Variants in CDH18 observed in about 807,000 individuals in gnomAD.
The protein encoded by CDH18 is cadherin 18, also known as cadherin-18.
In CDH18, 31 loss-of-function variants were observed where a neutral mutation model predicts 67.9. That is an observed-to-expected ratio of 0.46 (90% CI 0.34 to 0.62). The LOEUF (loss-of-function observed/expected upper bound fraction) is 0.62, where lower values mean the gene tolerates loss of function less well. Ranked by LOEUF, CDH18 falls within the 20% of genes least tolerant of loss-of-function variation. The pLI, the probability that CDH18 is intolerant of heterozygous loss-of-function variation, is 0.01. For synonymous variants in CDH18, 362 were observed against 347.2 expected (o/e 1.04, Z -0.48); for missense variants, 890 against 975.5 (o/e 0.91, Z 1.17).
intron 3 of CDH18, among the ~76,000 whole-genome samples, chr5:19,812,381 T>C (rs1280961170): frequency 1.3e-5 from 2 of 152,134 alleles, no homozygotes; most frequent in Non-Finnish European, 2.9e-5. Flanking sequence ...TGGTGTATTA[T>C]GAAAGTGCAT....
intron 2 of CDH18, among the ~76,000 whole-genome samples, chr5:20,163,842 T>C (rs1045874717): frequency 1.1e-4 from 16 of 152,242 alleles, no homozygotes; most frequent in East Asian, 1.9e-4. Flanking sequence ...ATTTTTTACA[T>C]AGAAAGTGCT....
At chr5:19,654,410 T>A (rs1580716124) in intron 5 of CDH18, among the ~76,000 whole-genome samples, 1 of 152,228 alleles carries the variant, frequency 6.6e-6, no homozygotes, top group Non-Finnish European at 1.5e-5. Context: ...TAAATGCATA[T>A]GTGAACTGGA....
intron 6 of CDH18, among the ~76,000 whole-genome samples, chr5:19,595,039 A>G (rs561926555): frequency 2.2e-4 from 34 of 152,294 alleles, no homozygotes; most frequent in South Asian, 1.0e-3. Flanking sequence ...ATATAAAAAA[A>G]CAGGCTCCAC....
chr5:20,537,257 T>C (rs1393304664), intron 1 of CDH18, among the ~76,000 whole-genome samples: 1 of 152,168 alleles, frequency 6.6e-6, no homozygotes. Context: ...AAATAGTATA[T>C]GTTTCCAAAA....
intron 1 of CDH18, among the ~76,000 whole-genome samples, chr5:20,365,262 A>G (rs145067763): frequency 1.2e-4 from 18 of 152,098 alleles, no homozygotes; most frequent in Non-Finnish European, 2.2e-4. Context: ...TGGTGTCTCT[A>G]TTTTCAAGGC....
chr5:20,123,596 C>T (rs1208849541), intron 2 of CDH18, among the ~76,000 whole-genome samples: 1 of 152,066 alleles, frequency 6.6e-6, no homozygotes, highest in African/African-American at 2.4e-5. Context: ...AAAGAATTTA[C>T]AGGTCGGCCC....
intron 2 of CDH18, among the ~76,000 whole-genome samples, chr5:20,233,640 G>T (rs141353924): frequency 0.011 from 1,711 of 151,672 alleles, 34 homozygotes; most frequent in African/African-American, 0.039. Context: ...ACAGACATGC[G>T]TGTGTGTGTG....
intron 3 of CDH18, among the ~76,000 whole-genome samples, chr5:19,818,626 T>G (rs1779539881): frequency 6.6e-6 from 1 of 152,184 alleles, no homozygotes; most frequent in Admixed American, 6.5e-5. Flanking sequence ...CAAACCGAGA[T>G]GCAATAGCCA....
intron 2 of CDH18, among the ~76,000 whole-genome samples, chr5:19,899,372 C>A (rs185857585): frequency 7.3e-5 from 11 of 149,952 alleles, no homozygotes; most frequent in Non-Finnish European, 1.6e-4. Flanking sequence ...TGCACTCCAG[C>A]CTGGGTGACA....
chr5:20,265,848 G>A (rs1454923999), intron 1 of CDH18, among the ~76,000 whole-genome samples: 3 of 152,194 alleles, frequency 2.0e-5, no homozygotes, highest in Non-Finnish European at 2.9e-5. Flanking sequence ...ATTTCTGGGT[G>A]TGTCAGTGGA....
chr5:19,479,455 T>C (rs1345741674), intron 12 of CDH18, among the ~76,000 whole-genome samples: 1 of 152,216 alleles, frequency 6.6e-6, no homozygotes, highest in African/African-American at 2.4e-5. Context: ...CCTGTATCCC[T>C]TGGCTAGATA....
intron 1 of CDH18, among the ~76,000 whole-genome samples, chr5:20,457,539 T>A (rs1009239919): frequency 2.6e-5 from 4 of 152,168 alleles, no homozygotes; most frequent in Admixed American, 1.3e-4. Flanking sequence ...AGTGTGGCTA[T>A]ACAACTGTGC....
chr5:20,173,137 G>C (rs1366577343), intron 2 of CDH18, among the ~76,000 whole-genome samples: 1 of 152,156 alleles, frequency 6.6e-6, no homozygotes, highest in Non-Finnish European at 1.5e-5. Context: ...AGTGGGAAAT[G>C]ATTAAAGTGT....
At chr5:19,970,085 A>G (rs1486333956) in intron 2 of CDH18, among the ~76,000 whole-genome samples, 1 of 151,912 alleles carries the variant, frequency 6.6e-6, no homozygotes, top group East Asian at 1.9e-4. Context: ...AAAGTTGATG[A>G]GCTGAACAGG....
intron 5 of CDH18, among the ~76,000 whole-genome samples, chr5:19,686,561 C>T (rs1356638714): frequency 3.3e-5 from 5 of 152,130 alleles, no homozygotes; most frequent in African/African-American, 9.7e-5. Context: ...CAAATACATA[C>T]ATTTTGTGTA....
intron 2 of CDH18, among the ~76,000 whole-genome samples, chr5:19,942,382 G>A (rs977202976): frequency 2.0e-5 from 3 of 152,118 alleles, no homozygotes; most frequent in East Asian, 1.9e-4. Flanking sequence ...AATTGCTGAC[G>A]GCTGAATGAA....
intron 12 of CDH18, among the ~76,000 whole-genome samples, chr5:19,477,402 A>G (rs73760024): frequency 1.8e-3 from 273 of 150,330 alleles, no homozygotes; most frequent in African/African-American, 6.2e-3. Flanking sequence ...TGGACAAACA[A>G]AAAAAAAATC....
At chr5:20,044,375 A>G (rs1740725871) in intron 2 of CDH18, among the ~76,000 whole-genome samples, 1 of 152,152 alleles carries the variant, frequency 6.6e-6, no homozygotes, top group Non-Finnish European at 1.5e-5. Flanking sequence ...TGTACCCTGT[A>G]AATAATTATA....
At chr5:20,246,700 T>C (rs997479954) in intron 2 of CDH18, among the ~76,000 whole-genome samples, 2 of 152,190 alleles carry the variant, frequency 1.3e-5, no homozygotes, top group Non-Finnish European at 2.9e-5. Context: ...ACATTCATGA[T>C]GGTTAAGAGC....
Sources: allele counts gnomAD v4.1 joint callset (sites outside exome capture counted in the v4.1 genomes callset), GRCh38; gene constraint gnomAD v4.1.1; transcripts MANE v1.5; gene names NCBI Gene and HGNC (gene_info 2026-07-23, HGNC 2026-07-21).